Variants in EPHA1 observed in about 807,000 individuals in gnomAD.
EPHA1 encodes the protein ephrin type-A receptor 1.
A neutral mutation model predicts 110.1 loss-of-function variants in EPHA1; 92 were observed. That is an observed-to-expected ratio of 0.84 (90% CI 0.71 to 0.99). The LOEUF is 0.99. EPHA1 is among the 50% of genes least tolerant of loss of function. The pLI is 0.00. For synonymous variants in EPHA1, 500 were observed against 516.1 expected (o/e 0.97, Z 0.42); for missense variants, 1,204 against 1,285.4 (o/e 0.94, Z 0.97).
intron 2 of EPHA1, among the ~76,000 whole-genome samples, chr7:143,405,624 G>A (rs1403519865): frequency 1.3e-5 from 2 of 152,168 alleles, no homozygotes; most frequent in East Asian, 3.9e-4. Context: ...TTTGGGTGGA[G>A]GTGTCAAGGG....
Position 143,398,765 on chromosome 7 carries a change from T to A in EPHA1, c.1172A>T (p.His391Leu). 3 of 1,613,862 alleles carry A rather than the reference T, an allele frequency of 1.9e-6. No individual in the cohort carries two copies. Among genetic ancestry groups the A allele is most frequent in the Non-Finnish European group, 2.5e-6 (3 of 1,179,964 alleles). ...GPCQPCGVGV[H>L]FSPGARGLTT... ...GAGCCCCCGGGCCCCCGGCGAGAAGTGCACGCCCACCCCACAGGGCTGGCA... is the reference window on the plus strand; with the variant it reads ...GAGCCCCCGGGCCCCCGGCGAGAAGAGCACGCCCACCCCACAGGGCTGGCA... The change falls in exon 6 of 18, where the codon CAC becomes CTC. Residue 391 changes from histidine to leucine, a missense_variant. His to Leu is a moderately conservative substitution (Grantham distance 99). Coordinates refer to ENST00000275815, the MANE Select transcript of EPHA1 (RefSeq NM_005232.5).
In EPHA1 at chr7:143,401,726, C is replaced by G; in HGVS notation, c.151-121G>C. On this transcript the variant is annotated intron_variant, in intron 2 of 17. Transcript: ENST00000275815. The surrounding 1 kb of genome is among the most constrained non-coding windows in gnomAD (Gnocchi z 4.1). ...CCTCAGGTTTATGCTACTTGTTCTGCCTCTCCCCACCCCTCAGCTCCAGGA... is the reference window on the plus strand; with the variant it reads ...CCTCAGGTTTATGCTACTTGTTCTGGCTCTCCCCACCCCTCAGCTCCAGGA... The G allele has an allele frequency of 8.5e-7, 1 of 1,173,016 alleles. No homozygotes were observed. The highest frequency in any genetic ancestry group is 2.4e-5 in the East Asian group (1 of 41,758). The allele number at this position is 1,173,016 out of a possible 1,614,324, so 72.7% of individuals were successfully genotyped here.
rs1805089338 is a variant in EPHA1, at chr7:143,391,671, A to G, written c.2801T>C (p.Phe934Ser). Residue 934 changes from phenylalanine to serine, a missense_variant, in exon 17 of 18, where the codon TTC becomes TCC. Coordinates refer to ENST00000275815, the MANE Select transcript of EPHA1 (RefSeq NM_005232.5). ...CATGGTGTCCAGCCCAGCCGAGTGG[A>G]AGTGCAGGATGTAGCGTTTCATGCG... ...SIRMKRYILHFHSAGLDTMEC... is the reference protein window; with the variant it reads ...SIRMKRYILHSHSAGLDTMEC... The G allele has an allele frequency of 3.7e-6, 6 of 1,614,002 alleles. No individual in the cohort carries two copies. Among genetic ancestry groups the G allele is most frequent in the Admixed American group, 1.7e-5 (1 of 60,000 alleles).
At position 143,395,074 on chromosome 7, in the gene EPHA1, G is replaced by T; in HGVS notation, c.2145+47C>A. 1 of 1,613,838 alleles carries T rather than the reference G, an allele frequency of 6.2e-7. No individual in the cohort carries two copies. Among genetic ancestry groups the T allele is most frequent in the Non-Finnish European group, 8.5e-7 (1 of 1,179,866 alleles). ...GCCAGGTCTCCTCCCAGTGCCCAGGGTACCATGGTGCATCCCCCTCCCCAG... is the reference window on the plus strand; with the variant it reads ...GCCAGGTCTCCTCCCAGTGCCCAGGTTACCATGGTGCATCCCCCTCCCCAG... On this transcript the variant is annotated intron_variant, in intron 13 of 17. Transcript: ENST00000275815. The surrounding 1 kb of genome is among the most constrained non-coding windows in gnomAD (Gnocchi z 4.7).
chr7:143,395,980 A>G lies in EPHA1; in HGVS notation c.1897+405T>C, dbSNP rs1164344111. Among the ~76,000 whole-genome samples the G allele has an allele frequency of 6.6e-6, 1 of 152,224 alleles. No homozygotes were observed. Among genetic ancestry groups the G allele is most frequent in the Admixed American group, 6.5e-5 (1 of 15,286 alleles). On this transcript the variant is annotated intron_variant, in intron 11 of 17. Transcript: ENST00000275815. The surrounding 1 kb of genome is among the most constrained non-coding windows in gnomAD (Gnocchi z 4.7). ...ATTTCCTCTGGTGACCCAAGGGAAC[A>G]GGGCAGCCCAAGGACACTGGGCCTC...
At chr7:143,397,755 T>C in intron 8 of EPHA1, 98 bp from the exon 9 acceptor site, 1 of 1,535,502 alleles carries the variant, frequency 6.5e-7, no homozygotes, top group Non-Finnish European at 9.0e-7. Flanking sequence ...GGGTCAGACC[T>C]TTCAGTGTGC....
In EPHA1 at chr7:143,395,356, G is replaced by A. The variant is rs761253219; in HGVS notation, c.2046C>T (p.His682=). 6.2e-6 allele frequency: 10 copies of A among 1,614,206 alleles called. No homozygotes were observed. The highest frequency in any genetic ancestry group is 4.4e-5 in the South Asian group (4 of 91,086). The part of the protein sequence containing the change: ...REATIMGQFS[H]PHILHLEGVV... Reference sequence around the variant, plus strand: ...CGCCTTCCAGATGCAGAATATGCGGGTGGCTAAACTGGCCCATGATAGTTG... The same window carrying A: ...CGCCTTCCAGATGCAGAATATGCGGATGGCTAAACTGGCCCATGATAGTTG... Residue 682 remains histidine (H), a synonymous_variant, in exon 12 of 18, where the codon CAC becomes CAT. Transcript: ENST00000275815. This position sits in a 1 kb window ranked among gnomAD's most constrained non-coding sequence, Gnocchi z 4.7.
At chr7:143,398,140 G>A (rs1203424005) in intron 7 of EPHA1, 70 bp from the exon 8 acceptor site, 8 of 1,597,108 alleles carry the variant, frequency 5.0e-6, no homozygotes, top group Middle Eastern at 1.7e-4. Context: ...GACAGCATCA[G>A]AGCACATGGG....
In EPHA1 at chr7:143,401,572, G is replaced by T. The variant is rs139238731; in HGVS notation, c.184C>A (p.Pro62Thr). The change falls in exon 3 of 18, where the codon CCC becomes ACC. Residue 62 changes from proline to threonine, a missense_variant. By Grantham distance (38) the Pro-to-Thr change is conservative (BLOSUM62 -1). Coordinates refer to ENST00000275815, the MANE Select transcript of EPHA1 (RefSeq NM_005232.5). This position sits in a 1 kb window ranked among gnomAD's most constrained non-coding sequence, Gnocchi z 4.1. ...SEQQQILNGT[P>T]LYMYQDCPMQ... ...GGGCAGTCCTGGTACATGTACAGGG[G>T]TGTCCCATTCAGTATCTGTTGCTGT... 1.4e-4 allele frequency: 232 copies of T among 1,613,962 alleles called. No individual in the cohort carries two copies. The highest frequency in any genetic ancestry group is 1.9e-4 in the Non-Finnish European group (228 of 1,179,978).
At chr7:143,407,495 G>C in intron 2 of EPHA1, 116 bp downstream of exon 2, 1 of 1,017,230 alleles carries the variant, frequency 9.8e-7, no homozygotes, top group Non-Finnish European at 1.5e-6. Flanking sequence ...CCCCCTCCCT[G>C]AGGAGACACT....
chr7:143,398,857 T>TC lies in EPHA1; in HGVS notation c.1079dup (p.Arg361ThrfsTer50), dbSNP rs752713700. ...TCACACTGTATCTGACATCCTGGCG[T>TC]CCCCCCGTATCTGCTGGGGGTTCCC... On this transcript the variant is annotated frameshift_variant, in exon 6 of 18. Transcript: ENST00000275815. LOFTEE classifies it high-confidence loss of function. 10 of 1,612,870 alleles carry TC rather than the reference T, an allele frequency of 6.2e-6. No homozygotes were observed. The highest frequency in any genetic ancestry group is 4.0e-5 in the African/African-American group (3 of 74,756).
chr7:143,399,066 T>C (rs1805343795), intron 5 of EPHA1, 121 bp from the exon 6 acceptor site: 7 of 1,237,264 alleles, frequency 5.7e-6, no homozygotes, highest in Non-Finnish European at 7.9e-6. Flanking sequence ...GGAGATTTGA[T>C]TTCTACTGGG....
rs117978799 is a variant in EPHA1 at position 143,395,749 on chromosome 7, C to T, written c.1898-245G>A. Reference sequence around the variant, plus strand: ...TGCACAGTTCTTGGCTCACAATAGGCGCTCGGCAACTGCAGGGTGAATGAA... The same window carrying T: ...TGCACAGTTCTTGGCTCACAATAGGTGCTCGGCAACTGCAGGGTGAATGAA... On this transcript the variant is annotated intron_variant, in intron 11 of 17. Transcript: ENST00000275815. The surrounding 1 kb of genome is among the most constrained non-coding windows in gnomAD (Gnocchi z 4.7). 5,263 of 552,426 alleles carry T rather than the reference C, an allele frequency of 9.5e-3. 46 individuals are homozygous for T. Among genetic ancestry groups the T allele is most frequent in the Non-Finnish European group, 0.013 (4,112 of 309,518 alleles). 34.2% of individuals were successfully genotyped at this position (552,426 alleles called of 1,614,324 possible).
chr7:143,395,269 CCT>C lies in EPHA1; in HGVS notation c.2083+48_2083+49del, dbSNP rs1491458392. ...TCCCTCCACTTCCAGTGGTTTCACC[CCT>C]CTTTCCTGCATTTCCCGCCCCCAGC... On this transcript the variant is annotated intron_variant, in intron 12 of 17. Transcript: ENST00000275815. This position sits in a 1 kb window ranked among gnomAD's most constrained non-coding sequence, Gnocchi z 4.7. 101 of 1,613,526 alleles carry C rather than the reference CCT, an allele frequency of 6.3e-5. No individual in the cohort carries two copies. The highest frequency in any genetic ancestry group is 4.9e-4 in the Middle Eastern group (3 of 6,084).
At chr7:143,396,058 C>T (rs931823647) in intron 11 of EPHA1, among the ~76,000 whole-genome samples, 2 of 152,226 alleles carry the variant, frequency 1.3e-5, no homozygotes, top group African/African-American at 4.8e-5. Flanking sequence ...ATTTGGGCAT[C>T]ATCACAGAAC....
chr7:143,394,860 T>C lies in EPHA1; in HGVS notation c.2300A>G (p.Asp767Gly), dbSNP rs775447726. 1.2e-6 allele frequency: 2 copies of C among 1,613,970 alleles called. No individual in the cohort carries two copies. The highest frequency in any genetic ancestry group is 4.5e-5 in the East Asian group (2 of 44,890). ...ATCCAGGAGGCGAGTCAGGCCAAAG[T>C]CAGACACCTTGCAGCACAGGTTTTG... ...VNQNLCCKVS[D>G]FGLTRLLDDF... is the part of the protein sequence containing the mutation. Residue 767 changes from aspartate (D) to glycine (G), a missense_variant, in exon 14 of 18, where the codon GAC becomes GGC. Transcript: ENST00000275815.
In EPHA1 at chr7:143,401,556, TG is replaced by T. The variant is rs1366299131; in HGVS notation, c.199del (p.Gln67ArgfsTer79). On this transcript the variant is annotated frameshift_variant, in exon 3 of 18. Transcript: ENST00000275815. LOFTEE classifies it high-confidence loss of function. The surrounding 1 kb of genome is among the most constrained non-coding windows in gnomAD (Gnocchi z 4.1). Reference sequence around the variant, plus strand: ...TCTGCGTCCTTGCATTGGGCAGTCCTGGTACATGTACAGGGGTGTCCCATTC... The same window carrying T: ...TCTGCGTCCTTGCATTGGGCAGTCCTGTACATGTACAGGGGTGTCCCATTC... The part of the protein sequence containing the change: ...ILNGTPLYMY[Q>X]DCPMQGRRDT... 4 of 1,614,080 alleles carry T rather than the reference TG, an allele frequency of 2.5e-6. No individual in the cohort carries two copies. The African/African-American group carries it at 5.3e-5, about 22-fold the overall frequency.
At chr7:143,404,340 C>T (rs1246330729) in intron 2 of EPHA1, among the ~76,000 whole-genome samples, 1 of 151,918 alleles carries the variant, frequency 6.6e-6, no homozygotes, top group Non-Finnish European at 1.5e-5. Flanking sequence ...CTTCAGCCTC[C>T]CAAGTAGCTG....
At chr7:143,402,171 C>T (rs1198269686) in intron 2 of EPHA1, among the ~76,000 whole-genome samples, 1 of 151,764 alleles carries the variant, frequency 6.6e-6, no homozygotes, top group African/African-American at 2.4e-5. Flanking sequence ...TCAGATGATC[C>T]TCTTGCTTGG....
Sources: gnomAD v4.1 joint callset for allele counts (sites outside exome capture counted in the v4.1 genomes callset) on GRCh38, gnomAD v4.1.1 for gene constraint, Gnocchi (gnomAD v3.1) non-coding constraint, MANE v1.5 for transcripts, NCBI Gene and HGNC (gene_info 2026-07-23, HGNC 2026-07-21) for gene names.